The following ROCK2 variants were observed in gnomAD, a reference collection of about 807,000 sequenced individuals.
ROCK2 encodes rho-associated protein kinase 2.
Under a neutral mutation model 195.1 loss-of-function variants are expected in ROCK2, and 61 were observed. That is an observed-to-expected ratio of 0.31 (90% CI 0.25 to 0.39). The LOEUF is 0.39. Ranked by LOEUF, ROCK2 falls within the 10% of genes least tolerant of loss-of-function variation. The pLI, the probability that ROCK2 is intolerant of heterozygous loss-of-function variation, is 1.00. For synonymous variants in ROCK2, 504 were observed against 545.5 expected (o/e 0.92, Z 1.06); for missense variants, 1,109 against 1,637.4 (o/e 0.68, Z 5.57).
At chr2:11,257,765 T>G (rs187598637) in intron 3 of ROCK2, among the ~76,000 whole-genome samples, 7 of 151,504 alleles carry the variant, frequency 4.6e-5, no homozygotes, top group Middle Eastern at 3.4e-3. Flanking sequence ...TTTAGGAGAT[T>G]CGAAATCAAA....
At chr2:11,290,196 G>A (rs1334056646) in intron 1 of ROCK2, among the ~76,000 whole-genome samples, 1 of 152,146 alleles carries the variant, frequency 6.6e-6, no homozygotes, top group Non-Finnish European at 1.5e-5. Context: ...AGCTGAGTTA[G>A]CTCAGGACTT....
At chr2:11,302,432 C>CAA (rs1253709738) in intron 1 of ROCK2, among the ~76,000 whole-genome samples, 1 of 152,126 alleles carries the variant, frequency 6.6e-6, no homozygotes. Flanking sequence ...CTCAGCCTCC[C>CAA]AAGTAGCTGG....
intron 1 of ROCK2, among the ~76,000 whole-genome samples, chr2:11,343,429 A>ATTAAAT (rs1669171473): frequency 6.6e-6 from 1 of 152,216 alleles, no homozygotes; most frequent in Non-Finnish European, 1.5e-5. Flanking sequence ...ATCTCAGGGA[A>ATTAAAT]TTAAATTTAC....
chr2:11,334,228 A>G (rs1418110938), intron 1 of ROCK2, among the ~76,000 whole-genome samples: 1 of 152,188 alleles, frequency 6.6e-6, no homozygotes, highest in African/African-American at 2.4e-5. Context: ...ATTTAAAAAA[A>G]GAGGCCAGGC....
chr2:11,244,786 AT>A (rs1665555117), intron 4 of ROCK2, among the ~76,000 whole-genome samples: 1 of 152,006 alleles, frequency 6.6e-6, no homozygotes. Flanking sequence ...AAAAAAAAGA[AT>A]TTTTTTCTAG....
intron 3 of ROCK2, among the ~76,000 whole-genome samples, chr2:11,262,617 T>TC (rs1666269381): frequency 2.6e-5 from 4 of 152,196 alleles, no homozygotes; most frequent in Non-Finnish European, 5.9e-5. Flanking sequence ...ACAAGCTCTC[T>TC]TTGCCTGCTG....
chr2:11,246,387 A>C (rs933618434), intron 4 of ROCK2, among the ~76,000 whole-genome samples: 4 of 152,148 alleles, frequency 2.6e-5, no homozygotes, highest in African/African-American at 9.7e-5. Flanking sequence ...CCTGAACTTA[A>C]ATTTTTTTTT....
intron 4 of ROCK2, among the ~76,000 whole-genome samples, chr2:11,246,640 A>T (rs1157668575): frequency 6.6e-6 from 1 of 152,188 alleles, no homozygotes; most frequent in Non-Finnish European, 1.5e-5. Flanking sequence ...TAAGAAATAC[A>T]GATAGGCCCA....
chr2:11,337,246 GAA>G (rs774024004), intron 1 of ROCK2, among the ~76,000 whole-genome samples: 1 of 105,264 alleles, frequency 9.5e-6, no homozygotes, highest in Non-Finnish European at 2.0e-5. Context: ...CTCTACCTCA[GAA>G]AAAAAAAAAA....
At chr2:11,333,505 A>C (rs918477526) in intron 1 of ROCK2, among the ~76,000 whole-genome samples, 13 of 152,170 alleles carry the variant, frequency 8.5e-5, no homozygotes, top group African/African-American at 2.9e-4. Flanking sequence ...AGAACACACA[A>C]AAAAAGCACC....
rs2148013133 is a variant in ROCK2, at chr2:11,181,490, C to T, written c.*1947G>A. The T allele has an allele frequency of 6.6e-6, 1 of 152,122 alleles. No homozygotes were observed. The highest frequency in any genetic ancestry group is 6.6e-5 in the Admixed American group (1 of 15,254). 9.4% of individuals were successfully genotyped at this position (152,122 alleles called of 1,614,324 possible). A position where few individuals can be genotyped will look rare whatever the true frequency, so the allele number is the denominator to read the frequency against. Reference sequence around the variant, plus strand: ...ACGTTAAGAATAACAAAACCAGTTTCAGTCTATCAGTAGGCCAGTAGCTAC... The same window carrying T: ...ACGTTAAGAATAACAAAACCAGTTTTAGTCTATCAGTAGGCCAGTAGCTAC... On this transcript the variant is annotated 3_prime_UTR_variant, in exon 33 of 33. Transcript: ENST00000315872.
intron 1 of ROCK2, among the ~76,000 whole-genome samples, chr2:11,320,509 C>T (rs1236855663): frequency 7.5e-6 from 1 of 133,256 alleles, no homozygotes; most frequent in African/African-American, 2.7e-5. Flanking sequence ...CATTTTTTTG[C>T]CTTGTCACCA....
intron 1 of ROCK2, among the ~76,000 whole-genome samples, chr2:11,330,906 GAGA>G: frequency 8.3e-5 from 1 of 12,108 alleles, no homozygotes; most frequent in African/African-American, 3.2e-4. Context: ...AGGAGGAAGA[GAGA>G]GGAGGAGGGA....
chr2:11,218,961 C>A lies in ROCK2; in HGVS notation c.1320+5G>T. ...ATAACTACAGCAGTAAAAATGTATA[C>A]GTACTTCATTTTTCCTTGATTGTAT... On this transcript the variant is annotated splice_donor_5th_base_variant and intron_variant, in intron 10 of 32. Coordinates refer to ENST00000315872, the MANE Select transcript of ROCK2 (RefSeq NM_004850.5). 1.4e-6 allele frequency: 2 copies of A among 1,415,912 alleles called. No homozygotes were observed. The highest frequency in any genetic ancestry group is 1.4e-5 in the African/African-American group (1 of 71,052). 87.7% of individuals were successfully genotyped at this position (1,415,912 alleles called of 1,614,324 possible). A position where few individuals can be genotyped will look rare whatever the true frequency, so the allele number is the denominator to read the frequency against.
Position 11,192,371 on chromosome 2 carries a change from A to G in ROCK2, c.3950-10T>C, listed in dbSNP as rs1249613183. The G allele has an allele frequency of 6.3e-7, 1 of 1,595,988 alleles. No homozygotes were observed. The highest frequency in any genetic ancestry group is 8.5e-7 in the Non-Finnish European group (1 of 1,172,780). Reference sequence around the variant, plus strand: ...GAAATATCATAATATACTATAAAGAAAAATTAGAAAAAAAAATTAATGTGC... The same window carrying G: ...GAAATATCATAATATACTATAAAGAGAAATTAGAAAAAAAAATTAATGTGC... On this transcript the variant is annotated splice_polypyrimidine_tract_variant and intron_variant, in intron 31 of 32. Coordinates refer to ENST00000315872, the MANE Select transcript of ROCK2 (RefSeq NM_004850.5). This position sits in a 1 kb window ranked among gnomAD's most constrained non-coding sequence, Gnocchi z 5.0.
Position 11,181,875 on chromosome 2 carries a change from C to A in ROCK2, c.*1562G>T, listed in dbSNP as rs372659843. The A allele has an allele frequency of 7.9e-5, 12 of 151,878 alleles. No homozygotes were observed. Among genetic ancestry groups the A allele is most frequent in the African/African-American group, 2.9e-4 (12 of 41,342 alleles). 9.4% of individuals were successfully genotyped at this position (151,878 alleles called of 1,614,324 possible). The stretch of plus-strand genomic sequence containing the variant: ...CTTGAACTCCTCACCTCAGGTGATC[C>A]GCCCGTCTTGGCCTCCCAAAGTGCT... On this transcript the variant is annotated 3_prime_UTR_variant, in exon 33 of 33. Coordinates refer to ENST00000315872, the MANE Select transcript of ROCK2 (RefSeq NM_004850.5).
intron 23 of ROCK2, 115 bp downstream of exon 23, chr2:11,200,842 T>G: frequency 1.2e-6 from 1 of 862,248 alleles, no homozygotes; most frequent in East Asian, 2.7e-5. Flanking sequence ...TTAAAAATCT[T>G]GTAGTCAGCA....
intron 1 of ROCK2, among the ~76,000 whole-genome samples, chr2:11,317,603 TATA>T (rs1300563066): frequency 7.6e-4 from 16 of 20,922 alleles, no homozygotes; most frequent in South Asian, 3.3e-3. Context: ...TATATATATA[TATA>T]TATATATTTT....
chr2:11,342,095 T>C (rs992697895), intron 1 of ROCK2, among the ~76,000 whole-genome samples: 3 of 152,120 alleles, frequency 2.0e-5, no homozygotes, highest in African/African-American at 7.2e-5. Context: ...TTAAATTTCG[T>C]TTATCAATTT....
Sources: gnomAD v4.1 joint callset for allele counts (sites outside exome capture counted in the v4.1 genomes callset) on GRCh38, gnomAD v4.1.1 for gene constraint, Gnocchi (gnomAD v3.1) non-coding constraint, MANE v1.5 for transcripts, NCBI Gene and HGNC (gene_info 2026-07-23, HGNC 2026-07-21) for gene names.